NRXN1: variants seen among roughly 807,000 people sequenced by gnomAD.
NRXN1 encodes the protein neurexin-1.
NRXN1 carries 39 observed loss-of-function variants against 150.9 expected under a neutral mutation model. The observed-to-expected ratio is 0.26, with a 90% CI of 0.20 to 0.34. The LOEUF is 0.34. NRXN1 is among the 10% of genes least tolerant of loss of function. NRXN1 has a pLI of 1.00. For missense variants in NRXN1, 1,815 were observed against 1,949.9 expected, an observed-to-expected ratio of 0.93 and a Z score of 1.30; for synonymous variants, 924 against 757.0, an observed-to-expected ratio of 1.22 and a Z score of -3.62.
chr2:50,003,356 T>C (rs1262009145), intron 21 of NRXN1, among the ~76,000 whole-genome samples: 1 of 152,158 alleles, frequency 6.6e-6, no homozygotes, highest in African/African-American at 2.4e-5. Context: ...AGTATCTCTA[T>C]TTGTAATGCC....
chr2:50,891,700 A>T (rs1216476624), intron 5 of NRXN1, among the ~76,000 whole-genome samples: 1 of 152,090 alleles, frequency 6.6e-6, no homozygotes, highest in Non-Finnish European at 1.5e-5. Flanking sequence ...TACCAGAAAA[A>T]ACTTACTTTT....
chr2:50,645,031 G>A (rs1174224178), intron 5 of NRXN1, among the ~76,000 whole-genome samples: 6 of 151,788 alleles, frequency 4.0e-5, no homozygotes, highest in East Asian at 1.9e-4. Flanking sequence ...GCCATCTAAA[G>A]AATTTCAAAC....
At chr2:51,023,543 T>G (rs1207510142) in intron 2 of NRXN1, among the ~76,000 whole-genome samples, 1 of 152,220 alleles carries the variant, frequency 6.6e-6, no homozygotes, top group Non-Finnish European at 1.5e-5. Context: ...AATCACTTTT[T>G]ATTACGTCAG....
chr2:50,813,240 G>T (rs959605073), intron 5 of NRXN1, among the ~76,000 whole-genome samples: 7 of 151,614 alleles, frequency 4.6e-5, no homozygotes, highest in African/African-American at 1.7e-4. Flanking sequence ...TCTCATGTTT[G>T]TTAAATGATG....
At chr2:50,780,556 C>CTA (rs1438909400) in intron 5 of NRXN1, among the ~76,000 whole-genome samples, 2 of 151,988 alleles carry the variant, frequency 1.3e-5, no homozygotes, top group Non-Finnish European at 2.9e-5. Context: ...TTATTTAATT[C>CTA]TAGGATTCCA....
intron 5 of NRXN1, among the ~76,000 whole-genome samples, chr2:50,669,315 T>A (rs1279088764): frequency 2.0e-5 from 3 of 151,984 alleles, no homozygotes; most frequent in Non-Finnish European, 4.4e-5. Context: ...GAGCTTTATC[T>A]TTTTAAGTCT....
chr2:50,723,854 CGT>C, intron 5 of NRXN1, among the ~76,000 whole-genome samples: 1 of 152,212 alleles, frequency 6.6e-6, no homozygotes, highest in East Asian at 1.9e-4. Flanking sequence ...TGTTTGTGTG[CGT>C]GTGTGTGTTT....
chr2:50,558,601 T>C (rs948039123), intron 8 of NRXN1, among the ~76,000 whole-genome samples: 11 of 152,210 alleles, frequency 7.2e-5, no homozygotes, highest in African/African-American at 2.7e-4. Flanking sequence ...TATTTCTGTT[T>C]CCAAGATGAT....
At chr2:50,560,456 AC>A (rs1668895964) in intron 8 of NRXN1, among the ~76,000 whole-genome samples, 1 of 151,434 alleles carries the variant, frequency 6.6e-6, no homozygotes, top group African/African-American at 2.4e-5. Flanking sequence ...TTATTTATTT[AC>A]TTAGAAGCCG....
At chr2:49,942,589 A>ATATTATTATTATTATTATTAT (rs1553398763) in intron 22 of NRXN1, among the ~76,000 whole-genome samples, 8 of 149,194 alleles carry the variant, frequency 5.4e-5, no homozygotes, top group South Asian at 2.1e-4. Context: ...AATGCAAACA[A>ATATTATTATTATTATTATTAT]TATTATTATT....
rs565341442 is a variant in NRXN1, at chr2:50,068,886, G to A, written c.3719-13842C>T. On this transcript the variant is annotated intron_variant, in intron 19 of 22. Transcript: ENST00000401669. ...CCAAAGAGTGAGCCTTATTATGAGTGATATCCCGAACGTAGGTGCTTTATC... is the reference window on the plus strand; with the variant it reads ...CCAAAGAGTGAGCCTTATTATGAGTAATATCCCGAACGTAGGTGCTTTATC... 6.8e-4 allele frequency among the ~76,000 whole-genome samples: 103 copies of A among 152,288 alleles called. 2 individuals are homozygous for A. In the South Asian group the frequency reaches 0.02, roughly 30 times the overall value.
chr2:50,517,661 T>G (rs1366335038), intron 12 of NRXN1, among the ~76,000 whole-genome samples: 3 of 152,100 alleles, frequency 2.0e-5, no homozygotes, highest in African/African-American at 4.8e-5. Flanking sequence ...AAAATAAACT[T>G]CATGATGCAT....
At chr2:50,291,353 T>A (rs567824974) in intron 17 of NRXN1, among the ~76,000 whole-genome samples, 1 of 152,254 alleles carries the variant, frequency 6.6e-6, no homozygotes, top group East Asian at 1.9e-4. Flanking sequence ...AGCTTAAGAT[T>A]TTATCCTTAA....
chr2:50,155,700 T>C (rs2058976507), intron 18 of NRXN1, among the ~76,000 whole-genome samples: 1 of 151,508 alleles, frequency 6.6e-6, no homozygotes, highest in South Asian at 2.1e-4. Flanking sequence ...TAAAAAGATG[T>C]TAGCCACCTT....
intron 12 of NRXN1, among the ~76,000 whole-genome samples, chr2:50,514,112 T>A (rs1287780866): frequency 6.6e-6 from 1 of 152,208 alleles, no homozygotes; most frequent in African/African-American, 2.4e-5. Context: ...TTTCAGTGGT[T>A]AATCTGACTT....
At chr2:50,962,437 T>C (rs540862241) in intron 2 of NRXN1, among the ~76,000 whole-genome samples, 2 of 151,850 alleles carry the variant, frequency 1.3e-5, no homozygotes, top group South Asian at 4.1e-4. Flanking sequence ...GAATGCTTCA[T>C]GGAAATTTAA....
At chr2:50,026,980 C>T (rs529144920) in intron 21 of NRXN1, among the ~76,000 whole-genome samples, 3 of 141,222 alleles carry the variant, frequency 2.1e-5, no homozygotes, top group East Asian at 4.8e-4. Context: ...CTCCCAGGTT[C>T]AAGCGATTCT....
chr2:50,535,745 A>G (rs1169060696), intron 10 of NRXN1, among the ~76,000 whole-genome samples: 3 of 152,172 alleles, frequency 2.0e-5, no homozygotes, highest in South Asian at 2.1e-4. Flanking sequence ...TAAGTTAGCA[A>G]GTATCTTATT....
At chr2:50,201,030 C>A (rs979576394) in intron 18 of NRXN1, among the ~76,000 whole-genome samples, 2 of 152,096 alleles carry the variant, frequency 1.3e-5, no homozygotes, top group African/African-American at 4.8e-5. Flanking sequence ...CTGTTGCCCA[C>A]TGTTTAATTT....
Sources: gnomAD v4.1 joint callset for allele counts (sites outside exome capture counted in the v4.1 genomes callset) on GRCh38, gnomAD v4.1.1 for gene constraint, MANE v1.5 for transcripts, NCBI Gene and HGNC (gene_info 2026-07-23, HGNC 2026-07-21) for gene names.